Variants in TFEC observed in about 807,000 individuals in gnomAD.
The protein encoded by TFEC is transcription factor EC.
Under a neutral mutation model 41.6 loss-of-function variants are expected in TFEC, and 31 were observed. The ratio of observed to expected loss-of-function variants is 0.74; its 90% CI spans 0.56 to 1.01. The LOEUF is 1.01. Ranked by LOEUF, TFEC falls within the 50% of genes least tolerant of loss-of-function variation. The pLI, the probability that TFEC is intolerant of heterozygous loss-of-function variation, is 0.00. For missense variants in TFEC, 402 were observed against 404.1 expected (o/e 0.99, Z 0.04); for synonymous variants, 143 against 140.6 (o/e 1.02, Z -0.12).
At chr7:116,058,683 G>C (rs1264582420) in intron 3 of TFEC, among the ~76,000 whole-genome samples, 1 of 151,694 alleles carries the variant, frequency 6.6e-6, no homozygotes, top group Non-Finnish European at 1.5e-5. Flanking sequence ...TTCATATCAT[G>C]CAAAATACGT....
rs1385757338 is a variant in TFEC at position 116,045,584 on chromosome 7, C to A, written c.199-61071G>T. Among the ~76,000 whole-genome samples the A allele has an allele frequency of 2.0e-5, 3 of 152,212 alleles. No homozygotes were observed. The East Asian group carries it at 5.8e-4, about 29-fold the overall frequency. The stretch of plus-strand genomic sequence containing the variant: ...GATTTCAGAAGATGTATGGAATTGC[C>A]TCGATGCCCAGGCAAAAGTTTGCTG... On this transcript the variant is annotated intron_variant, in intron 3 of 8. Transcript: ENST00000484212.
intron 1 of TFEC, among the ~76,000 whole-genome samples, chr7:116,115,646 A>T (rs1169534213): frequency 6.6e-6 from 1 of 151,982 alleles, no homozygotes; most frequent in Non-Finnish European, 1.5e-5. Context: ...TCCTTAACTT[A>T]ATCACATATG....
At chr7:116,025,914 T>C (rs2130871837) in intron 1 of TFEC, among the ~76,000 whole-genome samples, 1 of 152,322 alleles carries the variant, frequency 6.6e-6, no homozygotes, top group Non-Finnish European at 1.5e-5. Flanking sequence ...AGTCACCACA[T>C]ACAGTCATTT....
chr7:116,097,613 A>C (rs1417951028), intron 3 of TFEC, among the ~76,000 whole-genome samples: 2 of 152,182 alleles, frequency 1.3e-5, no homozygotes, highest in African/African-American at 4.8e-5. Context: ...CATATTCCAC[A>C]GGGGACAGAG....
intron 1 of TFEC, among the ~76,000 whole-genome samples, chr7:116,155,768 T>G (rs544481144): frequency 6.6e-6 from 1 of 152,272 alleles, no homozygotes; most frequent in South Asian, 2.1e-4. Flanking sequence ...TCTTTCTTTT[T>G]TATAACATTC....
intron 6 of TFEC, among the ~76,000 whole-genome samples, chr7:115,949,487 A>G (rs1019477761): frequency 1.1e-3 from 168 of 152,194 alleles, no homozygotes; most frequent in Non-Finnish European, 1.9e-3. Context: ...GCATGGTACT[A>G]GTACCAAAAC....
At chr7:115,968,337 T>C in intron 3 of TFEC, 5 of 1,470,386 alleles carry the variant, frequency 3.4e-6, no homozygotes, top group Non-Finnish European at 4.5e-6. Flanking sequence ...TTCTTTGGAC[T>C]TTAAGACTAA....
chr7:116,045,721 G>A (rs754550531), intron 3 of TFEC, among the ~76,000 whole-genome samples: 23 of 152,220 alleles, frequency 1.5e-4, no homozygotes, highest in Non-Finnish European at 2.4e-4. Flanking sequence ...GGAGCTGTGC[G>A]AAAACGGTCA....
At chr7:116,048,505 T>A (rs188096421) in intron 3 of TFEC, among the ~76,000 whole-genome samples, 5 of 152,336 alleles carry the variant, frequency 3.3e-5, no homozygotes, top group African/African-American at 1.2e-4. Flanking sequence ...CTACATCTGA[T>A]TGGTGTACCT....
At chr7:115,998,857 GA>G (rs1794473642) in intron 1 of TFEC, among the ~76,000 whole-genome samples, 1 of 151,782 alleles carries the variant, frequency 6.6e-6, no homozygotes, top group Admixed American at 6.6e-5. Context: ...GCTAAAGAGA[GA>G]GAGAGCAACC....
At chr7:116,075,961 A>G (rs1796950316) in intron 3 of TFEC, among the ~76,000 whole-genome samples, 1 of 152,210 alleles carries the variant, frequency 6.6e-6, no homozygotes, top group Non-Finnish European at 1.5e-5. Context: ...CTGGACGCCA[A>G]CCAACATAAA....
intron 3 of TFEC, among the ~76,000 whole-genome samples, chr7:116,102,927 T>C (rs913867770): frequency 6.6e-6 from 1 of 152,192 alleles, no homozygotes; most frequent in African/African-American, 2.4e-5. Context: ...TGTGATAGTA[T>C]GAAAAGTCAA....
chr7:116,024,535 G>A (rs1795516098), intron 1 of TFEC, among the ~76,000 whole-genome samples: 2 of 152,198 alleles, frequency 1.3e-5, no homozygotes, highest in Middle Eastern at 6.8e-3. Context: ...CAAGAGTCTT[G>A]TCAGACAAAA....
chr7:115,943,842 A>T (rs187275082), intron 6 of TFEC, among the ~76,000 whole-genome samples: 1 of 151,612 alleles, frequency 6.6e-6, no homozygotes, highest in East Asian at 2.0e-4. Context: ...ATTTACAGTC[A>T]GAGCAGATAA....
chr7:116,023,987 A>G (rs1314057294), intron 1 of TFEC, among the ~76,000 whole-genome samples: 1 of 152,146 alleles, frequency 6.6e-6, no homozygotes, highest in Non-Finnish European at 1.5e-5. Context: ...TCTGTGAACC[A>G]GTTTAACCAA....
intron 3 of TFEC, among the ~76,000 whole-genome samples, chr7:116,086,291 A>C (rs780183669): frequency 2.0e-5 from 3 of 151,828 alleles, no homozygotes; most frequent in Non-Finnish European, 4.4e-5. Flanking sequence ...CTAAATATTC[A>C]TCCCTGTCTG....
At chr7:116,025,282 C>A (rs1317188236) in intron 1 of TFEC, among the ~76,000 whole-genome samples, 1 of 152,066 alleles carries the variant, frequency 6.6e-6, no homozygotes, top group Non-Finnish European at 1.5e-5. Flanking sequence ...GAAAACAAGA[C>A]CAGATGTATG....
chr7:116,082,019 A>G (rs1264212626), intron 3 of TFEC, among the ~76,000 whole-genome samples: 1 of 151,952 alleles, frequency 6.6e-6, no homozygotes, highest in Non-Finnish European at 1.5e-5. Context: ...TTATATCTTT[A>G]GTATGGTACT....
rs537380222 is a variant in TFEC at position 116,069,029 on chromosome 7, T to C, written c.198+41679A>G. Among the ~76,000 whole-genome samples the C allele has an allele frequency of 1.7e-3, 262 of 151,864 alleles. 1 individual carries two copies. The highest frequency in any genetic ancestry group is 6.0e-3 in the African/African-American group (250 of 41,544). ...TTTAAGATTTGTCAAATTTAGGGTT[T>C]ATAAACTCTACATTTCTTCATACTT... On this transcript the variant is annotated intron_variant, in intron 3 of 8. Transcript: ENST00000484212.
Sources: gnomAD v4.1 joint callset for allele counts (sites outside exome capture counted in the v4.1 genomes callset) on GRCh38, gnomAD v4.1.1 for gene constraint, MANE v1.5 for transcripts, NCBI Gene and HGNC (gene_info 2026-07-23, HGNC 2026-07-21) for gene names.